PCDH9: variants seen among roughly 807,000 people sequenced by gnomAD.
The protein encoded by PCDH9 is protocadherin-9.
Under a neutral mutation model 70.6 loss-of-function variants are expected in PCDH9, and 24 were observed. The ratio of observed to expected loss-of-function variants is 0.34; its 90% CI spans 0.25 to 0.48. The LOEUF (loss-of-function observed/expected upper bound fraction) is 0.48. Among genes scored for constraint, PCDH9 ranks in the 20% least tolerant of loss-of-function variants. The pLI, the probability that PCDH9 is intolerant of heterozygous loss-of-function variation, is 0.99. For synonymous variants in PCDH9, 562 were observed against 558.5 expected (o/e 1.01, Z -0.09); for missense variants, 1,281 against 1,503.6 (o/e 0.85, Z 2.45).
chr13:66,380,508 GA>G (rs1356272868), intron 4 of PCDH9, among the ~76,000 whole-genome samples: 2 of 109,534 alleles, frequency 1.8e-5, no homozygotes, highest in African/African-American at 3.5e-5. Flanking sequence ...AATGCCGGAA[GA>G]AAAAAAAATA....
At chr13:66,653,829 G>A (rs1413290817) in intron 3 of PCDH9, among the ~76,000 whole-genome samples, 7 of 151,860 alleles carry the variant, frequency 4.6e-5, no homozygotes, top group African/African-American at 7.3e-5. Context: ...TTAGCTAGGC[G>A]TGGTGGCGGG....
chr13:66,857,499 A>G (rs1380478077), intron 3 of PCDH9, among the ~76,000 whole-genome samples: 1 of 152,152 alleles, frequency 6.6e-6, no homozygotes, highest in Non-Finnish European at 1.5e-5. Context: ...TAGGTGCTCT[A>G]CCTGTACATT....
At chr13:66,642,593 C>A (rs2077723057) in intron 3 of PCDH9, among the ~76,000 whole-genome samples, 1 of 151,960 alleles carries the variant, frequency 6.6e-6, no homozygotes, top group South Asian at 2.1e-4. Flanking sequence ...TGAAACCTTG[C>A]ATATTATACG....
At chr13:66,636,728 CT>C (rs1181730739) in intron 3 of PCDH9, among the ~76,000 whole-genome samples, 3 of 151,950 alleles carry the variant, frequency 2.0e-5, no homozygotes, top group African/African-American at 7.2e-5. Flanking sequence ...ATCTATCATT[CT>C]AACTATGTAT....
At chr13:66,454,731 A>G (rs1004608563) in intron 4 of PCDH9, among the ~76,000 whole-genome samples, 2 of 152,184 alleles carry the variant, frequency 1.3e-5, no homozygotes, top group South Asian at 2.1e-4. Context: ...TTTCTAGAAA[A>G]TGTAGGGAAT....
intron 4 of PCDH9, among the ~76,000 whole-genome samples, chr13:66,326,397 TA>T (rs372315902): frequency 0.048 from 5,799 of 119,682 alleles, 139 homozygotes; most frequent in Middle Eastern, 0.11. Flanking sequence ...CTTCTTCTTC[TA>T]AAAAAAAAAA....
chr13:66,844,986 A>T (rs1222769487), intron 3 of PCDH9, among the ~76,000 whole-genome samples: 1 of 152,012 alleles, frequency 6.6e-6, no homozygotes, highest in Non-Finnish European at 1.5e-5. Flanking sequence ...TGTCTGGATG[A>T]GTCTGGGTTT....
intron 2 of PCDH9, among the ~76,000 whole-genome samples, chr13:66,949,632 C>A (rs998367261): frequency 3.3e-5 from 5 of 151,844 alleles, no homozygotes; most frequent in African/African-American, 1.2e-4. Flanking sequence ...CAGCAAGAGA[C>A]CCCCATTAAA....
Position 66,877,813 on chromosome 13 carries a change from C to T in PCDH9, c.3138+25691G>A, listed in dbSNP as rs560090079. Among the ~76,000 whole-genome samples, 9 of 152,198 alleles carry T rather than the reference C, an allele frequency of 5.9e-5. No individual in the cohort carries two copies. In the East Asian group the frequency reaches 1.7e-3, roughly 29 times the overall value. On this transcript the variant is annotated intron_variant, in intron 3 of 4. Transcript: ENST00000377865. ...TCTTTTCTCTGGTGGGTGGCTCCTG[C>T]GAGTTAAAATACCTTATCTGGCACT...
At chr13:66,379,758 T>G (rs965405994) in intron 4 of PCDH9, among the ~76,000 whole-genome samples, 9 of 152,182 alleles carry the variant, frequency 5.9e-5, no homozygotes, top group African/African-American at 2.2e-4. Context: ...ATAAAAAGTT[T>G]AAAATACTGT....
chr13:66,659,340 C>T (rs113708324), intron 3 of PCDH9, among the ~76,000 whole-genome samples: 44 of 152,232 alleles, frequency 2.9e-4, no homozygotes, highest in African/African-American at 1.1e-3. Flanking sequence ...TTTGTGCATG[C>T]ACTAGTCATC....
chr13:67,138,001 T>A (rs1173640068), intron 2 of PCDH9, among the ~76,000 whole-genome samples: 1 of 152,188 alleles, frequency 6.6e-6, no homozygotes, highest in Non-Finnish European at 1.5e-5. Context: ...TCATGTTCTA[T>A]GACACAGAGA....
intron 3 of PCDH9, among the ~76,000 whole-genome samples, chr13:66,670,745 G>A (rs570445274): frequency 1.1e-4 from 16 of 151,998 alleles, no homozygotes; most frequent in African/African-American, 3.6e-4. Context: ...TTCACATTAT[G>A]TATTTTAATG....
chr13:66,541,042 T>C (rs1960932656), intron 4 of PCDH9, among the ~76,000 whole-genome samples: 1 of 152,194 alleles, frequency 6.6e-6, no homozygotes, highest in South Asian at 2.1e-4. Flanking sequence ...TTTGTCTAGA[T>C]TTAGTAGAAT....
chr13:66,795,990 C>T (rs2080234920), intron 3 of PCDH9, among the ~76,000 whole-genome samples: 1 of 152,182 alleles, frequency 6.6e-6, no homozygotes, highest in South Asian at 2.1e-4. Context: ...TGTCTGCACG[C>T]TGCCTCCTCC....
intron 4 of PCDH9, among the ~76,000 whole-genome samples, chr13:66,344,294 T>C (rs902315172): frequency 6.9e-6 from 1 of 144,976 alleles, no homozygotes; most frequent in Non-Finnish European, 1.5e-5. Flanking sequence ...GCCCAGCTAA[T>C]TTTTTGTATT....
intron 2 of PCDH9, among the ~76,000 whole-genome samples, chr13:67,096,996 C>G (rs1045850314): frequency 6.6e-6 from 1 of 151,744 alleles, no homozygotes; most frequent in Non-Finnish European, 1.5e-5. Flanking sequence ...CACCTGTAAT[C>G]CAGCGCTTTG....
At chr13:66,560,825 T>A (rs1961978315) in intron 4 of PCDH9, among the ~76,000 whole-genome samples, 1 of 152,214 alleles carries the variant, frequency 6.6e-6, no homozygotes, top group Non-Finnish European at 1.5e-5. Flanking sequence ...GAAAAGTGAC[T>A]CAACATCATT....
At chr13:66,937,931 T>A (rs902533282) in intron 2 of PCDH9, among the ~76,000 whole-genome samples, 1 of 152,124 alleles carries the variant, frequency 6.6e-6, no homozygotes, top group South Asian at 2.1e-4. Context: ...CATTGCTCAA[T>A]AAAACTCCTT....
Sources: allele counts gnomAD v4.1 joint callset (sites outside exome capture counted in the v4.1 genomes callset), GRCh38; gene constraint gnomAD v4.1.1; transcripts MANE v1.5; gene names NCBI Gene and HGNC (gene_info 2026-07-23, HGNC 2026-07-21).